The following PLA2G7 variants were observed in gnomAD, a reference collection of about 807,000 sequenced individuals.
The protein encoded by PLA2G7 is phospholipase A2 group VII, also known as platelet-activating factor acetylhydrolase.
PLA2G7 carries 63 observed loss-of-function variants against 49.6 expected under a neutral mutation model. The ratio of observed to expected loss-of-function variants is 1.27; its 90% confidence interval spans 1.04 to 1.57. The LOEUF (loss-of-function observed/expected upper bound fraction) is 1.57, where lower values mean the gene tolerates loss of function less well. Among genes scored for constraint, PLA2G7 ranks in the 40% most tolerant of loss-of-function variants. PLA2G7 has a pLI of 0.00. For synonymous variants in PLA2G7, 193 were observed against 169.9 expected, an observed-to-expected ratio of 1.14 and a Z score of -1.06; for missense variants, 596 against 521.2, an observed-to-expected ratio of 1.14 and a Z score of -1.40.
rs775938605 is a variant in PLA2G7, at chr6:46,722,784, T to A, written c.108A>T (p.Ser36=). ...YINPVAHMKS[S]AWVNKIQVLM... ...ACCTTGAACAAATACACCTCTTACCTGATGATTTCATATGGGCAACAGGAT... is the reference window on the plus strand; with the variant it reads ...ACCTTGAACAAATACACCTCTTACCAGATGATTTCATATGGGCAACAGGAT... The change falls in exon 2 of 12, where the codon TCA becomes TCT. Residue 36 remains serine, a splice_region_variant and synonymous_variant. Coordinates refer to ENST00000274793, the MANE Select transcript of PLA2G7 (RefSeq NM_005084.4). 1 of 1,578,218 alleles carries A rather than the reference T, an allele frequency of 6.3e-7. No individual in the cohort carries two copies. Among genetic ancestry groups the A allele is most frequent in the Non-Finnish European group, 8.7e-7 (1 of 1,147,246 alleles).
In PLA2G7 at chr6:46,710,677, G is replaced by A; in HGVS notation, c.664-19C>T. 1 of 1,532,280 alleles carries A rather than the reference G, an allele frequency of 6.5e-7. No homozygotes were observed. Among genetic ancestry groups the A allele is most frequent in the East Asian group, 2.2e-5 (1 of 44,482 alleles). 94.9% of individuals were successfully genotyped at this position (1,532,280 alleles called of 1,614,324 possible). Reference sequence around the variant, plus strand: ...GCCGTACCTAATATAATTATTAGAAGAAGGAAATGACAAAGTAAAAAGTTA... The same window carrying A: ...GCCGTACCTAATATAATTATTAGAAAAAGGAAATGACAAAGTAAAAAGTTA... On this transcript the variant is annotated intron_variant, in intron 7 of 11. Coordinates refer to ENST00000274793, the MANE Select transcript of PLA2G7 (RefSeq NM_005084.4).
intron 1 of PLA2G7, among the ~76,000 whole-genome samples, chr6:46,732,761 A>T (rs1765774054): frequency 6.6e-6 from 1 of 152,204 alleles, no homozygotes; most frequent in African/African-American, 2.4e-5. Context: ...AAAATTGAGC[A>T]AAATGACAGT....
chr6:46,705,591 AC>A (rs1001219913), intron 10 of PLA2G7, among the ~76,000 whole-genome samples: 42 of 152,318 alleles, frequency 2.8e-4, no homozygotes, highest in Admixed American at 1.4e-3. Flanking sequence ...GAATTGGAAT[AC>A]TTCCAGTTTG....
At chr6:46,709,049 T>C (rs979083871) in intron 9 of PLA2G7, among the ~76,000 whole-genome samples, 6 of 152,094 alleles carry the variant, frequency 3.9e-5, no homozygotes, top group South Asian at 2.1e-4. Flanking sequence ...CAAAAAATTA[T>C]ATAAAGATAA....
At chr6:46,720,804 G>A (rs571408631) in intron 2 of PLA2G7, among the ~76,000 whole-genome samples, 1 of 152,228 alleles carries the variant, frequency 6.6e-6, no homozygotes, top group South Asian at 2.1e-4. Flanking sequence ...AAATATTCCT[G>A]ATGTTCAGTC....
rs199802477 is a variant in PLA2G7, at chr6:46,722,787, T to C, written c.105A>G (p.Ser35=). Residue 35 remains serine (S), a synonymous_variant, in exon 2 of 12, where the codon TCA becomes TCG. Transcript: ENST00000274793. ...TTGAACAAATACACCTCTTACCTGATGATTTCATATGGGCAACAGGATTTA... is the reference window on the plus strand; with the variant it reads ...TTGAACAAATACACCTCTTACCTGACGATTTCATATGGGCAACAGGATTTA... ...QYINPVAHMK[S]SAWVNKIQVL... is the part of the protein sequence containing the mutation. 4.4e-6 allele frequency: 7 copies of C among 1,585,362 alleles called. No individual in the cohort carries two copies. In the South Asian group the frequency reaches 7.7e-5, roughly 18 times the overall value.
chr6:46,718,946 T>C (rs1008662681), intron 2 of PLA2G7, among the ~76,000 whole-genome samples: 4 of 152,188 alleles, frequency 2.6e-5, no homozygotes, highest in Non-Finnish European at 4.4e-5. Flanking sequence ...GTCTCTCTTG[T>C]TTTCCTTTAA....
intron 1 of PLA2G7, among the ~76,000 whole-genome samples, chr6:46,724,342 G>C (rs1562078534): frequency 6.6e-6 from 1 of 152,170 alleles, no homozygotes; most frequent in Non-Finnish European, 1.5e-5. Flanking sequence ...ACCTAGAATA[G>C]TGCCTGGTGT....
intron 8 of PLA2G7, among the ~76,000 whole-genome samples, chr6:46,710,304 T>G (rs1764967453): frequency 6.6e-6 from 1 of 152,184 alleles, no homozygotes. Context: ...CATATGACAT[T>G]GCTGTTTTTG....
Position 46,719,598 on chromosome 6 carries a change from T to G in PLA2G7, c.110-2502A>C, listed in dbSNP as rs543246289. 3.3e-5 allele frequency among the ~76,000 whole-genome samples: 5 copies of G among 152,252 alleles called. No homozygotes were observed. In the South Asian group the frequency reaches 1.0e-3, roughly 32 times the overall value. On this transcript the variant is annotated intron_variant, in intron 2 of 11. Coordinates refer to ENST00000274793, the MANE Select transcript of PLA2G7 (RefSeq NM_005084.4). ...ATGGAGATGAACAAACCCTGTGAAT[T>G]GGAGGGACATGGTTCTATTTCAGAT... is the stretch of plus-strand genomic sequence containing the variant.
intron 5 of PLA2G7, among the ~76,000 whole-genome samples, chr6:46,713,626 A>G (rs1765104035): frequency 6.6e-6 from 1 of 152,168 alleles, no homozygotes; most frequent in South Asian, 2.1e-4. Flanking sequence ...TCCCAGCTAA[A>G]AGCCATCTCT....
chr6:46,730,215 C>T (rs1235118501), intron 1 of PLA2G7, among the ~76,000 whole-genome samples: 1 of 152,244 alleles, frequency 6.6e-6, no homozygotes, highest in Non-Finnish European at 1.5e-5. Flanking sequence ...GGAATGTTTA[C>T]TTTTAATGTG....
Position 46,710,552 on chromosome 6 carries a change from TG to T in PLA2G7, c.769del (p.Gln257AsnfsTer2). On this transcript the variant is annotated frameshift_variant, in exon 8 of 12. Coordinates refer to ENST00000274793, the MANE Select transcript of PLA2G7 (RefSeq NM_005084.4). LOFTEE classifies it high-confidence loss of function. Reference sequence around the variant, plus strand: ...TTACTTTTTATAGCTTACCTTCAGTTGTTCCATATCAAACTTTAAATCTAAT... The same window carrying T: ...TTACTTTTTATAGCTTACCTTCAGTTTTCCATATCAAACTTTAAATCTAAT... The part of the protein sequence containing the change: ...NALDLKFDME[Q>X]LKDSIDREKI... 6.3e-7 allele frequency: 1 copy of T among 1,581,502 alleles called. No individual in the cohort carries two copies. Among genetic ancestry groups the T allele is most frequent in the Non-Finnish European group, 8.7e-7 (1 of 1,150,450 alleles).
At chr6:46,710,519 G>T in intron 8 of PLA2G7, 26 bp downstream of exon 8, 3 of 1,353,554 alleles carry the variant, frequency 2.2e-6, no homozygotes, top group Non-Finnish European at 3.2e-6. Flanking sequence ...TGTAGGACAA[G>T]AGAAAAATTA....
In PLA2G7 at chr6:46,705,242, T is replaced by C. The variant is rs1341014398; in HGVS notation, c.1100A>G (p.His367Arg). Residue 367 changes from histidine (H) to arginine (R), a missense_variant, in exon 11 of 12, where the codon CAC becomes CGC. Physicochemically the swap from His to Arg is conservative, Grantham distance 29. Transcript: ENST00000274793. ...TATGTCTCCCTTTAATTTGAGCATG[T>C]GTCCAATTATTTTGCCAGTTGCAAA... is the stretch of plus-strand genomic sequence containing the variant. ...FTFATGKIIGHMLKLKGDIDS... is the reference protein window; with the variant it reads ...FTFATGKIIGRMLKLKGDIDS... The C allele has an allele frequency of 6.2e-7, 1 of 1,608,458 alleles. No homozygotes were observed. The highest frequency in any genetic ancestry group is 8.5e-7 in the Non-Finnish European group (1 of 1,174,936).
At chr6:46,732,853 C>A (rs764408384) in intron 1 of PLA2G7, among the ~76,000 whole-genome samples, 1 of 152,164 alleles carries the variant, frequency 6.6e-6, no homozygotes, top group Non-Finnish European at 1.5e-5. Context: ...TGAAACAATA[C>A]AATTTTAGAA....
chr6:46,704,581 T>C lies in PLA2G7; in HGVS notation c.1305A>G (p.Ser435=). 1 of 1,593,472 alleles carries C rather than the reference T, an allele frequency of 6.3e-7. No individual in the cohort carries two copies. The highest frequency in any genetic ancestry group is 1.1e-5 in the South Asian group (1 of 90,690). ...TNQHIMLQNS[S]GIEKYN ...AATCCTAATTGTATTTCTCTATTCC[T>C]GAAGAGTTCTGTAACATGATGTGTT... is the stretch of plus-strand genomic sequence containing the variant. The change falls in exon 12 of 12, where the codon TCA becomes TCG. Residue 435 remains serine, a synonymous_variant. Transcript: ENST00000274793.
intron 1 of PLA2G7, among the ~76,000 whole-genome samples, chr6:46,726,775 G>A (rs914694918): frequency 1.3e-5 from 2 of 151,942 alleles, no homozygotes; most frequent in African/African-American, 4.8e-5. Context: ...CTGAGTAGCT[G>A]GGATTACAGG....
intron 2 of PLA2G7, 85 bp from the exon 3 acceptor site, chr6:46,717,181 T>A: frequency 3.3e-6 from 4 of 1,224,598 alleles, no homozygotes; most frequent in Non-Finnish European, 4.8e-6. Flanking sequence ...GGAATCAAGT[T>A]ACTTCCCATA....
Sources: allele counts gnomAD v4.1 joint callset (sites outside exome capture counted in the v4.1 genomes callset), GRCh38; gene constraint gnomAD v4.1.1; transcripts MANE v1.5; gene names NCBI Gene and HGNC (gene_info 2026-07-23, HGNC 2026-07-21).